The following GAB2 variants were observed in gnomAD, a reference collection of about 807,000 sequenced individuals.
GAB2 encodes GRB2 associated binding protein 2, also known as GRB2-associated-binding protein 2.
GAB2 carries 26 observed loss-of-function variants against 65.5 expected under a neutral mutation model. The ratio of observed to expected loss-of-function variants is 0.40; its 90% CI spans 0.29 to 0.55. The LOEUF is 0.55. Ranked by LOEUF, GAB2 falls within the 20% of genes least tolerant of loss-of-function variation. The pLI is 0.53. For synonymous variants in GAB2, 321 were observed against 329.6 expected (o/e 0.97, Z 0.28); for missense variants, 884 against 875.8 (o/e 1.01, Z -0.12).
intron 3 of GAB2, among the ~76,000 whole-genome samples, chr11:78,237,224 T>C (rs899966776): frequency 2.0e-5 from 3 of 152,238 alleles, no homozygotes; most frequent in Non-Finnish European, 4.4e-5. Context: ...TACAAAGATT[T>C]GCTCATTACT....
chr11:78,415,316 A>C (rs1857181119), intron 1 of GAB2, among the ~76,000 whole-genome samples: 1 of 152,224 alleles, frequency 6.6e-6, no homozygotes, highest in African/African-American at 2.4e-5. Context: ...GATGTATACC[A>C]GAAGCAGCAG....
intron 2 of GAB2, among the ~76,000 whole-genome samples, chr11:78,263,663 C>T (rs1040203646): frequency 4.6e-5 from 7 of 150,604 alleles, no homozygotes; most frequent in African/African-American, 1.7e-4. Flanking sequence ...AATCAACAGT[C>T]TAATATGGTA....
At chr11:78,263,765 A>G (rs1181525710) in intron 2 of GAB2, among the ~76,000 whole-genome samples, 1 of 152,194 alleles carries the variant, frequency 6.6e-6, no homozygotes, top group African/African-American at 2.4e-5. Flanking sequence ...CAGGTCTGGA[A>G]ATAACCCACG....
At chr11:78,409,177 T>C (rs1857092975) in intron 1 of GAB2, among the ~76,000 whole-genome samples, 1 of 152,088 alleles carries the variant, frequency 6.6e-6, no homozygotes, top group Admixed American at 6.6e-5. Flanking sequence ...GTATAATATA[T>C]CAGATAACAA....
At chr11:78,406,513 G>C (rs1350397688) in intron 1 of GAB2, among the ~76,000 whole-genome samples, 1 of 152,112 alleles carries the variant, frequency 6.6e-6, no homozygotes, top group Non-Finnish European at 1.5e-5. Flanking sequence ...AAGTAGCTGG[G>C]ATTACAGTCA....
At chr11:78,357,304 C>T (rs1204487459) in intron 1 of GAB2, among the ~76,000 whole-genome samples, 1 of 152,086 alleles carries the variant, frequency 6.6e-6, no homozygotes, top group East Asian at 1.9e-4. Context: ...GGCAATACAT[C>T]TACAGCACTG....
intron 3 of GAB2, among the ~76,000 whole-genome samples, chr11:78,245,645 G>GT (rs1267901374): frequency 6.6e-6 from 1 of 152,206 alleles, no homozygotes; most frequent in Non-Finnish European, 1.5e-5. Context: ...CATTGTTTGA[G>GT]TTTTGCTTCT....
intron 1 of GAB2, among the ~76,000 whole-genome samples, chr11:78,282,570 A>C (rs765851827): frequency 7.2e-5 from 11 of 151,936 alleles, no homozygotes; most frequent in Non-Finnish European, 1.0e-4. Context: ...CAGCCTCCCA[A>C]AGTGCTGGGA....
At chr11:78,370,269 AAAAAAG>A (rs1173466767) in intron 1 of GAB2, among the ~76,000 whole-genome samples, 395 of 152,038 alleles carry the variant, frequency 2.6e-3, no homozygotes, top group African/African-American at 9.0e-3. Context: ...AAAAAAAAAA[AAAAAAG>A]AAAAGAAAAT....
intron 1 of GAB2, among the ~76,000 whole-genome samples, chr11:78,326,479 A>ATT (rs140705697): frequency 1.3e-5 from 2 of 151,804 alleles, no homozygotes; most frequent in African/African-American, 4.8e-5. Flanking sequence ...AGTTTGGACA[A>ATT]TTTTTTTTTC....
intron 3 of GAB2, among the ~76,000 whole-genome samples, chr11:78,230,888 T>C (rs1864825369): frequency 6.6e-6 from 1 of 152,246 alleles, no homozygotes; most frequent in South Asian, 2.1e-4. Context: ...AGTATTTTCA[T>C]GTAAACCTTA....
At chr11:78,219,540 C>G (rs1864313615) in intron 9 of GAB2, 125 bp from the exon 10 acceptor site, 1 of 825,416 alleles carries the variant, frequency 1.2e-6, no homozygotes, top group South Asian at 1.6e-5. Flanking sequence ...CTGCCTGCCA[C>G]TGACCAGCCT....
chr11:78,410,361 G>A (rs990083472), intron 1 of GAB2, among the ~76,000 whole-genome samples: 1 of 152,068 alleles, frequency 6.6e-6, no homozygotes, highest in Non-Finnish European at 1.5e-5. Flanking sequence ...AAAATCAGCT[G>A]GGCATTGTGG....
At chr11:78,322,298 CAAAAAAAAAAAAAAAAAA>C (rs56709163) in intron 1 of GAB2, among the ~76,000 whole-genome samples, 1 of 12,064 alleles carries the variant, frequency 8.3e-5, no homozygotes, top group Non-Finnish European at 2.3e-4. Flanking sequence ...GACTCTGTCT[CAAAAAAAAAAAAAAAAAA>C]AAAAAAAAAA....
chr11:78,248,768 G>C (rs1401512747), intron 3 of GAB2, among the ~76,000 whole-genome samples: 1 of 152,176 alleles, frequency 6.6e-6, no homozygotes, highest in Non-Finnish European at 1.5e-5. Flanking sequence ...AGATCACAAA[G>C]AAAGTAAAAG....
chr11:78,392,534 T>A (rs1856847075), intron 1 of GAB2: 1 of 152,168 alleles, frequency 6.6e-6, no homozygotes, highest in African/African-American at 2.4e-5. Context: ...TTTCTCTTGA[T>A]GCAAGTACAT....
intron 1 of GAB2, among the ~76,000 whole-genome samples, chr11:78,340,126 T>C (rs1483879461): frequency 1.3e-5 from 2 of 152,254 alleles, no homozygotes; most frequent in African/African-American, 4.8e-5. Flanking sequence ...GATGTCATTC[T>C]GGATGTTTTC....
intron 3 of GAB2, among the ~76,000 whole-genome samples, chr11:78,249,741 G>A (rs1221649605): frequency 6.6e-6 from 1 of 152,248 alleles, no homozygotes; most frequent in East Asian, 1.9e-4. Flanking sequence ...TATGCAGGTA[G>A]TAGCTACTAT....
At chr11:78,236,299 T>C (rs546160582) in intron 3 of GAB2, among the ~76,000 whole-genome samples, 1 of 152,358 alleles carries the variant, frequency 6.6e-6, no homozygotes, top group Admixed American at 6.5e-5. Flanking sequence ...CTTGTGACCT[T>C]GCTAAACTCA....
Sources: allele counts gnomAD v4.1 joint callset (sites outside exome capture counted in the v4.1 genomes callset), GRCh38; gene constraint gnomAD v4.1.1; transcripts MANE v1.5; gene names NCBI Gene and HGNC (gene_info 2026-07-23, HGNC 2026-07-21).